PTPRM: variants seen among roughly 807,000 people sequenced by gnomAD.
PTPRM encodes the protein protein tyrosine phosphatase receptor type M.
In PTPRM, 47 loss-of-function variants were observed where a neutral mutation model predicts 186.7. The ratio of observed to expected loss-of-function variants is 0.25; its 90% CI spans 0.20 to 0.32. The LOEUF (loss-of-function observed/expected upper bound fraction) is 0.32, where lower values mean the gene tolerates loss of function less well. Among genes scored for constraint, PTPRM ranks in the 10% least tolerant of loss-of-function variants. PTPRM has a pLI of 1.00. For missense variants in PTPRM, 1,494 were observed against 1,865.0 expected (o/e 0.80, Z 3.66); for synonymous variants, 668 against 674.9 (o/e 0.99, Z 0.16).
chr18:7,974,493 G>A (rs906917823), intron 7 of PTPRM, among the ~76,000 whole-genome samples: 1 of 152,178 alleles, frequency 6.6e-6, no homozygotes, highest in Non-Finnish European at 1.5e-5. Context: ...TAATCCGGAC[G>A]TTTTGGGCTG....
chr18:8,144,845 T>C (rs933294029), intron 14 of PTPRM, among the ~76,000 whole-genome samples: 3 of 152,224 alleles, frequency 2.0e-5, no homozygotes, highest in Non-Finnish European at 4.4e-5. Flanking sequence ...AGGGAATATG[T>C]GGATCTTGTT....
intron 1 of PTPRM, among the ~76,000 whole-genome samples, chr18:7,584,574 T>C (rs1285811479): frequency 6.6e-6 from 1 of 152,178 alleles, no homozygotes; most frequent in African/African-American, 2.4e-5. Flanking sequence ...TGGCATTTTT[T>C]TTTTTCTCTT....
At chr18:7,570,092 C>T (rs1598430584) in intron 1 of PTPRM, among the ~76,000 whole-genome samples, 2 of 152,056 alleles carry the variant, frequency 1.3e-5, no homozygotes, top group East Asian at 3.9e-4. Context: ...CACCACTGCA[C>T]CCCAGCCTGG....
intron 19 of PTPRM, among the ~76,000 whole-genome samples, chr18:8,255,906 A>G (rs1467968383): frequency 2.0e-5 from 3 of 152,162 alleles, no homozygotes; most frequent in Admixed American, 6.5e-5. Flanking sequence ...AGCGTGTGTC[A>G]TGGAATGACA....
intron 2 of PTPRM, among the ~76,000 whole-genome samples, chr18:7,822,018 T>A (rs1252127269): frequency 1.3e-5 from 2 of 152,258 alleles, no homozygotes; most frequent in African/African-American, 4.8e-5. Context: ...GGAGGACTAC[T>A]ATATTGCCAC....
intron 3 of PTPRM, among the ~76,000 whole-genome samples, chr18:7,898,102 T>G (rs1339870744): frequency 6.6e-6 from 1 of 152,216 alleles, no homozygotes; most frequent in East Asian, 1.9e-4. Context: ...ATGTGACATG[T>G]TTTGTGGTTT....
In PTPRM at chr18:7,824,328, G is replaced by A. The variant is rs201319405; in HGVS notation, c.196+50057G>A. Among the ~76,000 whole-genome samples the A allele has an allele frequency of 2.2e-4, 34 of 152,262 alleles. No individual in the cohort carries two copies. The East Asian group carries it at 6.0e-3, about 27-fold the overall frequency. On this transcript the variant is annotated intron_variant, in intron 2 of 32. Transcript: ENST00000580170. Reference sequence around the variant, plus strand: ...CGGGTGACATCAGTCAGGAGAGTGCGCACCAGTCATGGTGGGGACACATGA... The same window carrying A: ...CGGGTGACATCAGTCAGGAGAGTGCACACCAGTCATGGTGGGGACACATGA...
chr18:8,102,998 G>T (rs889699480), intron 11 of PTPRM, among the ~76,000 whole-genome samples: 2 of 152,156 alleles, frequency 1.3e-5, no homozygotes, highest in African/African-American at 4.8e-5. Flanking sequence ...CAAGTGCATT[G>T]TCAAATGAGC....
intron 7 of PTPRM, among the ~76,000 whole-genome samples, chr18:8,043,602 G>A (rs2086828112): frequency 6.6e-6 from 1 of 152,038 alleles, no homozygotes; most frequent in Non-Finnish European, 1.5e-5. Flanking sequence ...TCCATGTTGG[G>A]AGGAATGTTT....
At chr18:8,022,873 C>G (rs534919109) in intron 7 of PTPRM, among the ~76,000 whole-genome samples, 2 of 152,230 alleles carry the variant, frequency 1.3e-5, no homozygotes, top group Middle Eastern at 3.4e-3. Context: ...AAATGTTTGG[C>G]AAACATTTGG....
chr18:7,867,912 C>T (rs2047793485), intron 2 of PTPRM, among the ~76,000 whole-genome samples: 1 of 152,096 alleles, frequency 6.6e-6, no homozygotes, highest in African/African-American at 2.4e-5. Flanking sequence ...TGCTTTTTCT[C>T]TAATTTTGTC....
intron 7 of PTPRM, among the ~76,000 whole-genome samples, chr18:8,057,596 C>T (rs1230931654): frequency 5.7e-5 from 6 of 105,132 alleles, no homozygotes; most frequent in African/African-American, 2.3e-4. Context: ...AATGCTATCC[C>T]TCCCCCCTCC....
chr18:8,111,204 T>G (rs1423498028), intron 11 of PTPRM, among the ~76,000 whole-genome samples: 1 of 152,230 alleles, frequency 6.6e-6, no homozygotes, highest in African/African-American at 2.4e-5. Flanking sequence ...TATCCTTATT[T>G]TCCTGCTTTG....
chr18:8,038,892 G>A (rs1255535149), intron 7 of PTPRM, among the ~76,000 whole-genome samples: 6 of 152,140 alleles, frequency 3.9e-5, no homozygotes, highest in Non-Finnish European at 8.8e-5. Context: ...AGTTGTTAGA[G>A]TTAGTTCTAG....
rs193105801 is a variant in PTPRM at position 7,665,362 on chromosome 18, T to C, written c.73+97471T>C. On this transcript the variant is annotated intron_variant, in intron 1 of 32. Coordinates refer to ENST00000580170, the MANE Select transcript of PTPRM (RefSeq NM_001105244.2). ...CTTTTCCTTATGATGTTGTACAGTCTATGGTTTTTAGTTTATGTGTATTTT... is the reference window on the plus strand; with the variant it reads ...CTTTTCCTTATGATGTTGTACAGTCCATGGTTTTTAGTTTATGTGTATTTT... 3.3e-5 allele frequency among the ~76,000 whole-genome samples: 5 copies of C among 152,266 alleles called. No individual in the cohort carries two copies. The East Asian group carries it at 9.7e-4, about 29-fold the overall frequency.
intron 1 of PTPRM, among the ~76,000 whole-genome samples, chr18:7,752,708 C>A (rs933407806): frequency 3.3e-5 from 5 of 152,038 alleles, no homozygotes. Context: ...CTCCTAAGTG[C>A]TGGGATTACA....
intron 14 of PTPRM, among the ~76,000 whole-genome samples, chr18:8,219,196 G>A (rs182518710): frequency 3.9e-4 from 59 of 152,300 alleles, no homozygotes; most frequent in African/African-American, 1.3e-3. Context: ...GGCCAAGCCC[G>A]GTGGCTTACG....
intron 2 of PTPRM, among the ~76,000 whole-genome samples, chr18:7,842,930 G>GTGTGTGTGTATATATATA (rs377182615): frequency 9.9e-6 from 1 of 100,942 alleles, no homozygotes; most frequent in African/African-American, 5.0e-5. Context: ...GTGTGTGTGT[G>GTGTGTGTGTATATATATA]TATATATATA....
At position 8,252,444 on chromosome 18, in the gene PTPRM, C is replaced by A. The variant is rs760610607; in HGVS notation, c.2555-44C>A. 14 of 1,499,622 alleles carry A rather than the reference C, an allele frequency of 9.3e-6. No individual in the cohort carries two copies. The South Asian group carries it at 1.6e-4, about 17-fold the overall frequency. The allele number at this position is 1,499,622 out of a possible 1,614,324, so 92.9% of individuals were successfully genotyped here. A position where few individuals can be genotyped will look rare whatever the true frequency, so the allele number is the denominator to read the frequency against. ...AGTACTATTGCTTATGCCCTGTTTCCTTTTTCTCCTCCTTTTTTCTCCTGA... is the reference window on the plus strand; with the variant it reads ...AGTACTATTGCTTATGCCCTGTTTCATTTTTCTCCTCCTTTTTTCTCCTGA... On this transcript the variant is annotated intron_variant, in intron 17 of 32. Coordinates refer to ENST00000580170, the MANE Select transcript of PTPRM (RefSeq NM_001105244.2).
Sources: allele counts gnomAD v4.1 joint callset (sites outside exome capture counted in the v4.1 genomes callset), GRCh38; gene constraint gnomAD v4.1.1; transcripts MANE v1.5; gene names NCBI Gene and HGNC (gene_info 2026-07-23, HGNC 2026-07-21).